The following PCP4 variants were observed in gnomAD, a reference collection of about 807,000 sequenced individuals.
The protein encoded by PCP4 is Purkinje cell protein 4, also known as calmodulin regulator protein PCP4.
A neutral mutation model predicts 10.0 loss-of-function variants in PCP4; 8 were observed. The observed-to-expected ratio is 0.80, with a 90% CI of 0.47 to 1.45. The LOEUF (loss-of-function observed/expected upper bound fraction) is 1.45. PCP4 is among the 40% of genes most tolerant of loss of function. The probability of loss-of-function intolerance (pLI) is 0.00; values close to 1 mark genes in which losing one functional copy is unlikely to be tolerated. For missense variants in PCP4, 54 were observed against 74.4 expected (o/e 0.73, Z 1.01); for synonymous variants, 21 against 23.0 (o/e 0.91, Z 0.24).
chr21:39,883,342 AT>A, intron 1 of PCP4: 1 of 152,298 alleles, frequency 6.6e-6, no homozygotes, highest in Non-Finnish European at 1.5e-5. Context: ...GAGGCTGCTG[AT>A]TAGAGCAGAT....
At chr21:39,889,466 C>T (rs2091891) in intron 1 of PCP4, among the ~76,000 whole-genome samples, 1 of 137,606 alleles carries the variant, frequency 7.3e-6, no homozygotes, top group Non-Finnish European at 1.5e-5. Context: ...ACCCAGGCTG[C>T]AGTACCGTGG....
chr21:39,906,236 T>G lies in PCP4; in HGVS notation c.61+7709T>G, dbSNP rs58702138. Among the ~76,000 whole-genome samples, 7,995 of 152,274 alleles carry G rather than the reference T, an allele frequency of 0.053. 331 individuals are homozygous for G. The highest frequency in any genetic ancestry group is 0.11 in the African/African-American group (4,511 of 41,526). On this transcript the variant is annotated intron_variant, in intron 2 of 2. Transcript: ENST00000328619. This position sits in a 1 kb window ranked among gnomAD's most constrained non-coding sequence, Gnocchi z 6.3. ...CCAGGTTGTCTCTATTTACACTTTCTCCTGACTTCCCTCTTGACCAGGGTC... is the reference window on the plus strand; with the variant it reads ...CCAGGTTGTCTCTATTTACACTTTCGCCTGACTTCCCTCTTGACCAGGGTC...
intron 1 of PCP4, among the ~76,000 whole-genome samples, chr21:39,894,147 C>T (rs915819034): frequency 6.6e-6 from 1 of 152,280 alleles, no homozygotes; most frequent in South Asian, 2.1e-4. Flanking sequence ...GTGATATAGA[C>T]TGCAAGACTC....
At chr21:39,871,263 C>T (rs2087318457) in intron 1 of PCP4, among the ~76,000 whole-genome samples, 1 of 152,156 alleles carries the variant, frequency 6.6e-6, no homozygotes, top group South Asian at 2.1e-4. Flanking sequence ...CACGATTGCC[C>T]AGTGGAGGGA....
intron 2 of PCP4, among the ~76,000 whole-genome samples, chr21:39,916,621 C>T (rs576967697): frequency 9.9e-5 from 15 of 152,148 alleles, no homozygotes; most frequent in African/African-American, 3.6e-4. Flanking sequence ...GGGTATATAC[C>T]CAAAGGGATA....
intron 2 of PCP4, among the ~76,000 whole-genome samples, chr21:39,903,876 CAAA>C (rs67572508): frequency 1.0e-5 from 1 of 95,542 alleles, no homozygotes; most frequent in African/African-American, 3.9e-5. Context: ...TCAAAAAAAA[CAAA>C]AAAAAAAAAA....
chr21:39,869,442 G>T (rs1489458655), intron 1 of PCP4, among the ~76,000 whole-genome samples: 3 of 152,224 alleles, frequency 2.0e-5, no homozygotes, highest in African/African-American at 7.2e-5. Flanking sequence ...TCTTGCAGGA[G>T]CTCTTGCCTT....
chr21:39,885,208 G>A (rs1341543826), intron 1 of PCP4, among the ~76,000 whole-genome samples: 2 of 152,182 alleles, frequency 1.3e-5, no homozygotes, highest in Non-Finnish European at 2.9e-5. Context: ...CGTTAAATGG[G>A]TTTCTGTCCT....
chr21:39,925,477 A>G (rs1021061585), intron 2 of PCP4, among the ~76,000 whole-genome samples: 1 of 152,240 alleles, frequency 6.6e-6, no homozygotes, highest in Admixed American at 6.5e-5. Flanking sequence ...CTGTTGGAAC[A>G]AGGCGGACAA....
intron 1 of PCP4, among the ~76,000 whole-genome samples, chr21:39,869,575 C>T (rs530931647): frequency 6.6e-6 from 1 of 152,222 alleles, no homozygotes; most frequent in East Asian, 1.9e-4. Flanking sequence ...TCTTCTCCCC[C>T]TCACATCACA....
At chr21:39,920,320 G>A (rs963099956) in intron 2 of PCP4, among the ~76,000 whole-genome samples, 20 of 144,724 alleles carry the variant, frequency 1.4e-4, no homozygotes, top group Non-Finnish European at 2.8e-4. Flanking sequence ...GATGTGTGAT[G>A]TGTGATGTGT....
chr21:39,910,719 C>G (rs1215546201), intron 2 of PCP4, among the ~76,000 whole-genome samples: 1 of 152,236 alleles, frequency 6.6e-6, no homozygotes, highest in Non-Finnish European at 1.5e-5. Flanking sequence ...CAGGCTGCCT[C>G]CATGCCAGCA....
At chr21:39,927,373 T>TATC (rs1555851261) in intron 2 of PCP4, among the ~76,000 whole-genome samples, 2,596 of 11,242 alleles carry the variant, frequency 0.23, 45 homozygotes, top group African/African-American at 0.28. Flanking sequence ...ATCTATCATC[T>TATC]ATCTATCTAT....
intron 2 of PCP4, among the ~76,000 whole-genome samples, chr21:39,905,718 C>T (rs915401938): frequency 6.6e-6 from 1 of 152,166 alleles, no homozygotes; most frequent in South Asian, 2.1e-4. Context: ...CTACCCATCT[C>T]TAGCTGCAAT....
At chr21:39,876,972 A>G (rs2087349296) in intron 1 of PCP4, among the ~76,000 whole-genome samples, 1 of 152,220 alleles carries the variant, frequency 6.6e-6, no homozygotes, top group Non-Finnish European at 1.5e-5. Context: ...GAATCAGAGA[A>G]GGGCATCGTT....
intron 1 of PCP4, among the ~76,000 whole-genome samples, chr21:39,888,931 T>C (rs1006272528): frequency 3.9e-5 from 6 of 152,244 alleles, no homozygotes; most frequent in Non-Finnish European, 7.3e-5. Context: ...CTTTAAAAAG[T>C]AGTCTTTACT....
intron 1 of PCP4, among the ~76,000 whole-genome samples, chr21:39,881,224 T>G (rs1568851030): frequency 1.3e-5 from 2 of 152,174 alleles, no homozygotes; most frequent in Non-Finnish European, 2.9e-5. Context: ...TCTAGTTGAA[T>G]GTTGGGGGGA....
chr21:39,929,155 C>A lies in PCP4; in HGVS notation c.*44C>A. 1 of 1,574,642 alleles carries A rather than the reference C, an allele frequency of 6.4e-7. No homozygotes were observed. The highest frequency in any genetic ancestry group is 8.6e-7 in the Non-Finnish European group (1 of 1,157,386). On this transcript the variant is annotated 3_prime_UTR_variant, in exon 3 of 3. Coordinates refer to ENST00000328619, the MANE Select transcript of PCP4 (RefSeq NM_006198.3). ...GTCCACCTGAAAACACCAAATTCAA[C>A]CATCATCTGTCAAGAAATTAAAAGA... is the stretch of plus-strand genomic sequence containing the variant.
chr21:39,899,255 C>G (rs1006227906), intron 2 of PCP4, among the ~76,000 whole-genome samples: 2 of 152,152 alleles, frequency 1.3e-5, no homozygotes, highest in Admixed American at 1.3e-4. Flanking sequence ...ATAAAAAATA[C>G]CCAGTGGTAT....
Sources: gnomAD v4.1 joint callset for allele counts (sites outside exome capture counted in the v4.1 genomes callset) on GRCh38, gnomAD v4.1.1 for gene constraint, Gnocchi (gnomAD v3.1) non-coding constraint, MANE v1.5 for transcripts, NCBI Gene and HGNC (gene_info 2026-07-23, HGNC 2026-07-21) for gene names.